ITPR1: variants seen among roughly 807,000 people sequenced by gnomAD.
The protein encoded by ITPR1 is inositol 1,4,5-trisphosphate-gated calcium channel ITPR1.
Under a neutral mutation model 318.4 loss-of-function variants are expected in ITPR1, and 96 were observed. That is an observed-to-expected ratio of 0.30 (90% CI 0.26 to 0.36). ITPR1 has a LOEUF of 0.36. ITPR1 is among the 10% of genes least tolerant of loss of function. The pLI, the probability that ITPR1 is intolerant of heterozygous loss-of-function variation, is 1.00. For synonymous variants in ITPR1, 1,312 were observed against 1,289.9 expected, an observed-to-expected ratio of 1.02 and a Z score of -0.37; for missense variants, 2,440 against 3,460.2, an observed-to-expected ratio of 0.71 and a Z score of 7.40.
chr3:4,801,800 T>TA (rs545654441), intron 54 of ITPR1, among the ~76,000 whole-genome samples: 116 of 151,710 alleles, frequency 7.6e-4, no homozygotes, highest in African/African-American at 2.2e-3. Flanking sequence ...AAATAATTTT[T>TA]AAAAAAAAGG....
chr3:4,500,773 C>G (rs1371487165), intron 2 of ITPR1, among the ~76,000 whole-genome samples: 1 of 152,178 alleles, frequency 6.6e-6, no homozygotes, highest in Non-Finnish European at 1.5e-5. Flanking sequence ...GAATGTTACT[C>G]TTGTTCTGTA....
intron 4 of ITPR1, among the ~76,000 whole-genome samples, chr3:4,557,246 G>C (rs914589848): frequency 6.6e-6 from 1 of 152,214 alleles, no homozygotes; most frequent in African/African-American, 2.4e-5. Context: ...AAGGAAATAA[G>C]ACACATCTTA....
chr3:4,744,898 C>CTCCT (rs199767679), intron 44 of ITPR1, among the ~76,000 whole-genome samples: 191 of 124,908 alleles, frequency 1.5e-3, no homozygotes, highest in African/African-American at 5.6e-3. Flanking sequence ...GTCTCCCTCC[C>CTCCT]TCCTTCCTTC....
intron 4 of ITPR1, among the ~76,000 whole-genome samples, chr3:4,618,577 A>G (rs1304546489): frequency 6.6e-6 from 1 of 152,160 alleles, no homozygotes; most frequent in African/African-American, 2.4e-5. Flanking sequence ...ACCTTCCCCT[A>G]GAGTTAGTGA....
intron 9 of ITPR1, 47 bp from the exon 10 acceptor site, chr3:4,645,535 C>T: frequency 1.2e-6 from 2 of 1,608,418 alleles, no homozygotes; most frequent in Non-Finnish European, 1.7e-6. Flanking sequence ...GTCTAATTCT[C>T]TTTTTAAATT....
At position 4,768,521 on chromosome 3, in the gene ITPR1, C is replaced by T. The variant is rs774633416; in HGVS notation, c.5736C>T (p.Pro1912=). ...DAPSRKKAKE[P]TTQITEEVRD... ...ATGCTTGCTTTCTAGCTAAAGAGCC[C>T]ACAACACAGATAACAGAAGAGGTCC... Residue 1912 remains proline (P), a synonymous_variant, in exon 46 of 62, where the codon CCC becomes CCT. Coordinates refer to ENST00000649015, the MANE Select transcript of ITPR1 (RefSeq NM_001378452.1). 1 of 1,609,046 alleles carries T rather than the reference C, an allele frequency of 6.2e-7. No homozygotes were observed. The highest frequency in any genetic ancestry group is 1.3e-5 in the African/African-American group (1 of 74,770).
chr3:4,603,988 T>C (rs1244534967), intron 4 of ITPR1, among the ~76,000 whole-genome samples: 1 of 152,178 alleles, frequency 6.6e-6, no homozygotes, highest in Non-Finnish European at 1.5e-5. Context: ...CTCTCTAACA[T>C]CTGTCTTCTT....
intron 4 of ITPR1, among the ~76,000 whole-genome samples, chr3:4,561,362 T>C (rs1432407802): frequency 6.6e-6 from 1 of 152,232 alleles, no homozygotes; most frequent in East Asian, 1.9e-4. Flanking sequence ...CTGATAATGA[T>C]ATTGAGACCG....
chr3:4,733,422 C>A (rs1321648720), intron 43 of ITPR1, among the ~76,000 whole-genome samples: 1 of 152,134 alleles, frequency 6.6e-6, no homozygotes, highest in African/African-American at 2.4e-5. Flanking sequence ...TTCCCTGCAA[C>A]TAGATGGTGG....
intron 2 of ITPR1, among the ~76,000 whole-genome samples, chr3:4,498,590 T>C (rs1011411718): frequency 5.3e-5 from 8 of 152,318 alleles, no homozygotes; most frequent in East Asian, 1.9e-4. Flanking sequence ...TTGTCCTTTC[T>C]GAAGAGACTC....
chr3:4,787,884 C>CA (rs2047306128), intron 51 of ITPR1, 63 bp from the exon 52 acceptor site: 1 of 1,185,198 alleles, frequency 8.4e-7, no homozygotes, highest in Non-Finnish European at 1.2e-6. Flanking sequence ...CCACCAGTAG[C>CA]AAATAGTCTT....
chr3:4,683,049 C>A (rs1006350643), intron 26 of ITPR1, among the ~76,000 whole-genome samples: 1 of 152,188 alleles, frequency 6.6e-6, no homozygotes, highest in African/African-American at 2.4e-5. Flanking sequence ...AAACTAATAA[C>A]TTAGGAGAAA....
intron 44 of ITPR1, among the ~76,000 whole-genome samples, chr3:4,744,147 C>G (rs964278132): frequency 2.6e-5 from 4 of 152,258 alleles, no homozygotes; most frequent in African/African-American, 9.6e-5. Flanking sequence ...GAATTTGTTT[C>G]TAAGAGGAGA....
At chr3:4,643,510 T>C (rs1380838862) in intron 7 of ITPR1, among the ~76,000 whole-genome samples, 2 of 152,044 alleles carry the variant, frequency 1.3e-5, no homozygotes, top group African/African-American at 4.8e-5. Flanking sequence ...GAAATCAGTT[T>C]AGTGGCTTGT....
intron 42 of ITPR1, among the ~76,000 whole-genome samples, chr3:4,729,926 CTTT>C (rs35734322): frequency 2.2e-4 from 31 of 144,078 alleles, no homozygotes; most frequent in Admixed American, 2.8e-4. Context: ...TTTTAGAAGT[CTTT>C]TTTTTTTTTT....
At chr3:4,567,526 C>T (rs17040924) in intron 4 of ITPR1, among the ~76,000 whole-genome samples, 7,478 of 152,228 alleles carry the variant, frequency 0.049, 306 homozygotes, top group African/African-American at 0.11. Context: ...ATGAAGATGA[C>T]AGTCAACCAC....
At chr3:4,535,473 T>G (rs1482544453) in intron 4 of ITPR1, among the ~76,000 whole-genome samples, 60 of 142,518 alleles carry the variant, frequency 4.2e-4, no homozygotes, top group African/African-American at 1.5e-3. Context: ...GACGGAGTCT[T>G]GCTCTGTTGC....
chr3:4,736,879 C>T (rs969184685), intron 44 of ITPR1, among the ~76,000 whole-genome samples: 2 of 152,086 alleles, frequency 1.3e-5, no homozygotes, highest in Admixed American at 6.5e-5. Context: ...ATACCAGGGG[C>T]GATGATGGGG....
chr3:4,698,564 C>T (rs1409303460), intron 34 of ITPR1, among the ~76,000 whole-genome samples: 1 of 152,098 alleles, frequency 6.6e-6, no homozygotes. Context: ...CTCAGTTCTG[C>T]CCTTCTAGCA....
Sources: allele counts gnomAD v4.1 joint callset (sites outside exome capture counted in the v4.1 genomes callset), GRCh38; gene constraint gnomAD v4.1.1; transcripts MANE v1.5; gene names NCBI Gene and HGNC (gene_info 2026-07-23, HGNC 2026-07-21).